Variants in MINDY3 observed in about 807,000 individuals in gnomAD.
The protein encoded by MINDY3 is ubiquitin carboxyl-terminal hydrolase MINDY-3.
MINDY3 carries 38 observed loss-of-function variants against 69.2 expected under a neutral mutation model. That is an observed-to-expected ratio of 0.55 (90% CI 0.42 to 0.72). The LOEUF (loss-of-function observed/expected upper bound fraction) is 0.72. Ranked by LOEUF, MINDY3 falls within the 30% of genes least tolerant of loss-of-function variation. The probability of loss-of-function intolerance (pLI) is 0.00; values close to 1 mark genes in which losing one functional copy is unlikely to be tolerated. For synonymous variants in MINDY3, 192 were observed against 180.1 expected (o/e 1.07, Z -0.53); for missense variants, 522 against 519.0 (o/e 1.01, Z -0.06).
intron 4 of MINDY3, 82 bp downstream of exon 4, chr10:15,841,344 A>G: frequency 8.8e-7 from 1 of 1,132,526 alleles, no homozygotes; most frequent in Non-Finnish European, 1.2e-6. Flanking sequence ...AATTTTAAGT[A>G]ATTTTTTCTT....
chr10:15,804,094 A>G (rs1321921907), intron 10 of MINDY3, among the ~76,000 whole-genome samples: 1 of 152,164 alleles, frequency 6.6e-6, no homozygotes, highest in Non-Finnish European at 1.5e-5. Context: ...AGTTCTTTAC[A>G]TTAGTCTGAT....
At chr10:15,779,558 A>G (rs1387618004) in intron 14 of MINDY3, among the ~76,000 whole-genome samples, 1 of 152,188 alleles carries the variant, frequency 6.6e-6, no homozygotes, top group African/African-American at 2.4e-5. Flanking sequence ...GAGAGCTATA[A>G]AAGGAATATA....
At chr10:15,809,358 A>G (rs1366183451) in intron 10 of MINDY3, among the ~76,000 whole-genome samples, 1 of 152,206 alleles carries the variant, frequency 6.6e-6, no homozygotes, top group East Asian at 1.9e-4. Flanking sequence ...AAACAATTCA[A>G]AAAGTTTAAG....
chr10:15,827,759 T>C (rs1269314832), intron 8 of MINDY3, among the ~76,000 whole-genome samples: 1 of 152,030 alleles, frequency 6.6e-6, no homozygotes, highest in African/African-American at 2.4e-5. Context: ...GAAGAGGTAA[T>C]TCACAGAAGA....
At chr10:15,817,461 G>A (rs116710852) in intron 9 of MINDY3, 2,626 of 152,456 alleles carry the variant, frequency 0.017, 60 homozygotes, top group African/African-American at 0.057. Flanking sequence ...AAGTTTCACA[G>A]TATGAACAGT....
At position 15,842,974 on chromosome 10, in the gene MINDY3, G is replaced by A. The variant is rs138079791; in HGVS notation, c.235+238C>T. On this transcript the variant is annotated intron_variant, in intron 3 of 14. Coordinates refer to ENST00000277632, the MANE Select transcript of MINDY3 (RefSeq NM_024948.4). ...ACCTAACAGTTCTAGGAAATGCACC[G>A]TGTTTTACCAAGAGGCCAAACGTTT... is the stretch of plus-strand genomic sequence containing the variant. 1.2e-4 allele frequency among the ~76,000 whole-genome samples: 18 copies of A among 149,384 alleles called. No individual in the cohort carries two copies. In the East Asian group the frequency reaches 1.6e-3, roughly 13 times the overall value.
At chr10:15,799,365 A>AT (rs1421078709) in intron 10 of MINDY3, among the ~76,000 whole-genome samples, 3 of 151,790 alleles carry the variant, frequency 2.0e-5, no homozygotes, top group Non-Finnish European at 2.9e-5. Context: ...TGCCCGGCTA[A>AT]TTTTTGTATT....
chr10:15,842,701 C>T (rs151216907), intron 3 of MINDY3, among the ~76,000 whole-genome samples: 31 of 151,836 alleles, frequency 2.0e-4, no homozygotes, highest in African/African-American at 5.5e-4. Flanking sequence ...TAAACTGTCA[C>T]GTGGAATGCA....
intron 2 of MINDY3, among the ~76,000 whole-genome samples, chr10:15,844,217 T>C (rs1205970931): frequency 6.6e-6 from 1 of 152,158 alleles, no homozygotes. Context: ...AACAAAAAAC[T>C]AAGTCATATT....
At chr10:15,812,327 A>G (rs1430675727) in intron 10 of MINDY3, among the ~76,000 whole-genome samples, 1 of 152,196 alleles carries the variant, frequency 6.6e-6, no homozygotes, top group African/African-American at 2.4e-5. Flanking sequence ...CATGTGTTAA[A>G]TATTACTCAC....
chr10:15,822,497 T>A (rs189765402), intron 8 of MINDY3, among the ~76,000 whole-genome samples: 200 of 152,266 alleles, frequency 1.3e-3, no homozygotes, highest in African/African-American at 4.6e-3. Context: ...CAAACAGGTA[T>A]GAAAAATCGA....
chr10:15,849,830 C>T (rs1460698718), intron 1 of MINDY3, among the ~76,000 whole-genome samples: 1 of 152,126 alleles, frequency 6.6e-6, no homozygotes, highest in Non-Finnish European at 1.5e-5. Context: ...CCACCAAAAA[C>T]TCCAATCAGC....
chr10:15,835,912 A>T (rs1833046772), intron 6 of MINDY3, among the ~76,000 whole-genome samples: 1 of 151,862 alleles, frequency 6.6e-6, no homozygotes, highest in Admixed American at 6.6e-5. Flanking sequence ...TCCTGACTCT[A>T]GTCTTATATT....
rs563293735 is a variant in MINDY3 at position 15,781,394 on chromosome 10, A to T, written c.1188+761T>A. On this transcript the variant is annotated intron_variant, in intron 14 of 14. Coordinates refer to ENST00000277632, the MANE Select transcript of MINDY3 (RefSeq NM_024948.4). The stretch of plus-strand genomic sequence containing the variant: ...CTTTAATATTAGCTATAACTAATAC[A>T]TATATATTATATATATATATATATA... Among the ~76,000 whole-genome samples, 933 of 147,768 alleles carry T rather than the reference A, an allele frequency of 6.3e-3. 5 individuals are homozygous for T. The highest frequency in any genetic ancestry group is 0.018 in the South Asian group (86 of 4,756).
intron 1 of MINDY3, among the ~76,000 whole-genome samples, chr10:15,851,221 C>G (rs1834268135): frequency 6.6e-6 from 1 of 152,018 alleles, no homozygotes; most frequent in South Asian, 2.1e-4. Context: ...AGGATCTATG[C>G]TCCTTTCATT....
At chr10:15,811,454 T>C (rs1019343107) in intron 10 of MINDY3, among the ~76,000 whole-genome samples, 1 of 152,144 alleles carries the variant, frequency 6.6e-6, no homozygotes, top group Non-Finnish European at 1.5e-5. Context: ...GTGCTAGTCA[T>C]GAGACTATGT....
At chr10:15,850,601 T>C (rs533270658) in intron 1 of MINDY3, among the ~76,000 whole-genome samples, 1 of 152,164 alleles carries the variant, frequency 6.6e-6, no homozygotes, top group African/African-American at 2.4e-5. Flanking sequence ...GATTAGGAAA[T>C]TCCTGCCTAG....
intron 10 of MINDY3, among the ~76,000 whole-genome samples, chr10:15,808,427 A>G (rs1838778373): frequency 6.6e-6 from 1 of 152,208 alleles, no homozygotes. Flanking sequence ...GTTTTATTAC[A>G]TGCAGAGAAA....
chr10:15,805,129 A>G (rs533881547), intron 10 of MINDY3, among the ~76,000 whole-genome samples: 38 of 152,154 alleles, frequency 2.5e-4, no homozygotes, highest in African/African-American at 8.9e-4. Context: ...TGAGCTGCTG[A>G]CTCTCCAAAT....
Sources: allele counts gnomAD v4.1 joint callset (sites outside exome capture counted in the v4.1 genomes callset), GRCh38; gene constraint gnomAD v4.1.1; transcripts MANE v1.5; gene names NCBI Gene and HGNC (gene_info 2026-07-23, HGNC 2026-07-21).